TP53INP1: variants seen among roughly 807,000 people sequenced by gnomAD.
TP53INP1 encodes tumor protein p53-inducible nuclear protein 1.
A neutral mutation model predicts 21.0 loss-of-function variants in TP53INP1; 12 were observed. The ratio of observed to expected loss-of-function variants is 0.57; its 90% confidence interval spans 0.37 to 0.93. The LOEUF is 0.93. Ranked by LOEUF, TP53INP1 falls within the 40% of genes least tolerant of loss-of-function variation. TP53INP1 has a pLI of 0.01. For synonymous variants in TP53INP1, 91 were observed against 94.8 expected (o/e 0.96, Z 0.23); for missense variants, 274 against 294.7 (o/e 0.93, Z 0.51).
intron 1 of TP53INP1, among the ~76,000 whole-genome samples, chr8:94,945,824 A>G (rs906675366): frequency 1.3e-5 from 2 of 152,226 alleles, no homozygotes; most frequent in South Asian, 4.1e-4. Flanking sequence ...TTCTTTGAAC[A>G]GCTTTAACCA....
At chr8:94,947,955 A>G (rs930406355) in intron 1 of TP53INP1, among the ~76,000 whole-genome samples, 1 of 152,258 alleles carries the variant, frequency 6.6e-6, no homozygotes, top group Non-Finnish European at 1.5e-5. Flanking sequence ...ATGTATTTCA[A>G]TTACCAGGCT....
chr8:94,930,523 C>G lies in TP53INP1; in HGVS notation c.679G>C (p.Gly227Arg). ...DCHPRQVKHN[G>R]WVVHQPCPRQ... ...GGGCAGGGCTGATGAACAACCCAGC[C>G]ATTGTGCTTGACTTGCCGAGGGTGG... The change falls in exon 4 of 4, where the codon GGC (glycine) becomes CGC (arginine). Residue 227 changes from glycine to arginine, a missense_variant. Transcript: ENST00000342697. The G allele has an allele frequency of 1.2e-6, 2 of 1,614,186 alleles. No individual in the cohort carries two copies. Among genetic ancestry groups the G allele is most frequent in the Non-Finnish European group, 1.7e-6 (2 of 1,180,040 alleles).
At chr8:94,944,162 A>G (rs1821794183) in intron 1 of TP53INP1, among the ~76,000 whole-genome samples, 1 of 152,224 alleles carries the variant, frequency 6.6e-6, no homozygotes, top group African/African-American at 2.4e-5. Context: ...CCAATTCTGC[A>G]GAGCATGGTG....
At position 94,930,028 on chromosome 8, in the gene TP53INP1, T is replaced by A. The variant is rs1820237797; in HGVS notation, c.*451A>T. On this transcript the variant is annotated 3_prime_UTR_variant, in exon 4 of 4. Transcript: ENST00000342697. ...CTAATGTTAGTGTGTAAAAATGTAT[T>A]CATCATATACAGAGAGATTATCAAG... 1 of 155,072 alleles carries A rather than the reference T, an allele frequency of 6.4e-6. No individual in the cohort carries two copies. The highest frequency in any genetic ancestry group is 6.4e-5 in the Admixed American group (1 of 15,602). 9.6% of individuals were successfully genotyped at this position (155,072 alleles called of 1,614,324 possible). A position where few individuals can be genotyped will look rare whatever the true frequency, so the allele number is the denominator to read the frequency against.
intron 1 of TP53INP1, among the ~76,000 whole-genome samples, chr8:94,942,597 C>T (rs1331283419): frequency 6.6e-6 from 1 of 152,208 alleles, no homozygotes; most frequent in Non-Finnish European, 1.5e-5. Context: ...CATGTATTTA[C>T]TGAGCACCTG....
Position 94,927,641 on chromosome 8 carries a change from CAATT to C in TP53INP1, c.*2834_*2837del, listed in dbSNP as rs1247538537. On this transcript the variant is annotated 3_prime_UTR_variant, in exon 4 of 4. Transcript: ENST00000342697. Reference sequence around the variant, plus strand: ...AATTTTCACCTTACAGTGCAGTACACAATTAGTTGAGAAAAAAAATAAACATAAG... The same window carrying C: ...AATTTTCACCTTACAGTGCAGTACACAGTTGAGAAAAAAAATAAACATAAG... 13 of 151,906 alleles carry C rather than the reference CAATT, an allele frequency of 8.6e-5. No homozygotes were observed. The highest frequency in any genetic ancestry group is 2.4e-4 in the African/African-American group (10 of 41,328). The allele number at this position is 151,906 out of a possible 1,614,324, so 9.4% of individuals were successfully genotyped here. A position where few individuals can be genotyped will look rare whatever the true frequency, so the allele number is the denominator to read the frequency against.
chr8:94,939,642 C>G, intron 3 of TP53INP1: 1 of 575,346 alleles, frequency 1.7e-6, no homozygotes, highest in Non-Finnish European at 3.0e-6. Flanking sequence ...AAGTGATCTG[C>G]CTGCCTTGGC....
At position 94,928,173 on chromosome 8, in the gene TP53INP1, G is replaced by A. The variant is rs1338631562; in HGVS notation, c.*2306C>T. On this transcript the variant is annotated 3_prime_UTR_variant, in exon 4 of 4. Transcript: ENST00000342697. ...AAAAGCCCAACGAATGTAATTTTTT[G>A]TTTTCTAGGTACAAAGCATAAAAAA... 6.6e-6 allele frequency: 1 copy of A among 150,630 alleles called. No individual in the cohort carries two copies. Among genetic ancestry groups the A allele is most frequent in the African/African-American group, 2.4e-5 (1 of 41,104 alleles). The allele number at this position is 150,630 out of a possible 1,614,324, so 9.3% of individuals were successfully genotyped here.
intron 3 of TP53INP1, among the ~76,000 whole-genome samples, chr8:94,935,361 A>G (rs533110436): frequency 5.7e-4 from 87 of 152,322 alleles, no homozygotes; most frequent in African/African-American, 2.0e-3. Context: ...TGTGACTTTC[A>G]GCTAATTAAC....
chr8:94,940,855 A>T lies in TP53INP1; in HGVS notation c.87T>A (p.Asp29Glu), dbSNP rs553785190. ...QEPEFNEKED[D>E]EWILVDFIDT... ...CTATGAAGTCAACAAGAATCCATTC[A>T]TCATCTTCTTTCTCATTGAATTCTG... Residue 29 changes from aspartate to glutamate, a missense_variant, in exon 2 of 4, where the codon GAT (aspartate) becomes GAA (glutamate). Coordinates refer to ENST00000342697, the MANE Select transcript of TP53INP1 (RefSeq NM_033285.4). 7 of 1,613,588 alleles carry T rather than the reference A, an allele frequency of 4.3e-6. No individual in the cohort carries two copies. In the South Asian group the frequency reaches 7.7e-5, roughly 18 times the overall value.
intron 3 of TP53INP1, chr8:94,931,989 C>A: frequency 2.1e-6 from 3 of 1,399,486 alleles, no homozygotes; most frequent in Non-Finnish European, 2.9e-6. Context: ...GAAAGAAAGT[C>A]ATTTTTAAAA....
chr8:94,926,833 C>T lies in TP53INP1; in HGVS notation c.*3646G>A, dbSNP rs114164845. 2.6e-3 allele frequency: 397 copies of T among 152,252 alleles called. 4 individuals carry two copies. Among genetic ancestry groups the T allele is most frequent in the African/African-American group, 9.2e-3 (384 of 41,546 alleles). The allele number at this position is 152,252 out of a possible 1,614,324, so 9.4% of individuals were successfully genotyped here. A position where few individuals can be genotyped will look rare whatever the true frequency, so the allele number is the denominator to read the frequency against. ...CAAGTGAAACTGATACATGGCAAGG[C>T]TGACACCACTGTATCATGTAGGTTT... is the stretch of plus-strand genomic sequence containing the variant. On this transcript the variant is annotated 3_prime_UTR_variant, in exon 4 of 4. Coordinates refer to ENST00000342697, the MANE Select transcript of TP53INP1 (RefSeq NM_033285.4).
At chr8:94,935,903 T>A (rs917153425) in intron 3 of TP53INP1, among the ~76,000 whole-genome samples, 1 of 152,206 alleles carries the variant, frequency 6.6e-6, no homozygotes, top group South Asian at 2.1e-4. Flanking sequence ...ACAAAAGGCA[T>A]GTAAATCTGC....
chr8:94,927,021 G>T lies in TP53INP1; in HGVS notation c.*3458C>A, dbSNP rs1281592278. On this transcript the variant is annotated 3_prime_UTR_variant, in exon 4 of 4. Transcript: ENST00000342697. ...ATTTATGGGCCTTATAAAATAAAAAGATAATTTTAAAGTAACATTACAAAC... is the reference window on the plus strand; with the variant it reads ...ATTTATGGGCCTTATAAAATAAAAATATAATTTTAAAGTAACATTACAAAC... The T allele has an allele frequency of 1.3e-5, 2 of 152,200 alleles. No homozygotes were observed. The highest frequency in any genetic ancestry group is 2.9e-5 in the Non-Finnish European group (2 of 67,986). 9.4% of individuals were successfully genotyped at this position (152,200 alleles called of 1,614,324 possible). A position where few individuals can be genotyped will look rare whatever the true frequency, so the allele number is the denominator to read the frequency against.
Position 94,941,082 on chromosome 8 carries a change from G to T in TP53INP1, c.-141C>A. The T allele has an allele frequency of 1.6e-6, 1 of 617,340 alleles. No individual in the cohort carries two copies. The highest frequency in any genetic ancestry group is 2.8e-6 in the Non-Finnish European group (1 of 351,832). 38.2% of individuals were successfully genotyped at this position (617,340 alleles called of 1,614,324 possible). ...TCAACTTAGGTGAAAAGCAAGAAGA[G>T]TCATTGTACCTAAAATAAAACAGAA... is the stretch of plus-strand genomic sequence containing the variant. On this transcript the variant is annotated 5_prime_UTR_variant, in exon 2 of 4. Coordinates refer to ENST00000342697, the MANE Select transcript of TP53INP1 (RefSeq NM_033285.4).
At chr8:94,933,270 T>C (rs770855281) in intron 3 of TP53INP1, among the ~76,000 whole-genome samples, 1 of 152,206 alleles carries the variant, frequency 6.6e-6, no homozygotes, top group Admixed American at 6.5e-5. Context: ...TGGAAAAGTA[T>C]GTATTTGTTT....
At chr8:94,947,032 G>A (rs558966242) in intron 1 of TP53INP1, among the ~76,000 whole-genome samples, 2 of 152,188 alleles carry the variant, frequency 1.3e-5, no homozygotes, top group East Asian at 3.9e-4. Flanking sequence ...TATGTAACGG[G>A]GCCTTGAAGT....
At chr8:94,931,974 A>G in intron 3 of TP53INP1, 1 of 1,308,278 alleles carries the variant, frequency 7.6e-7, no homozygotes, top group South Asian at 1.3e-5. Context: ...TCCATCTCAA[A>G]AAAAGAAAGA....
chr8:94,935,744 A>G (rs544519772), intron 3 of TP53INP1, among the ~76,000 whole-genome samples: 2 of 152,330 alleles, frequency 1.3e-5, no homozygotes, highest in African/African-American at 4.8e-5. Flanking sequence ...TAGATTGGAG[A>G]ACATAAAAAT....
Sources: gnomAD v4.1 joint callset for allele counts (sites outside exome capture counted in the v4.1 genomes callset) on GRCh38, gnomAD v4.1.1 for gene constraint, MANE v1.5 for transcripts, NCBI Gene and HGNC (gene_info 2026-07-23, HGNC 2026-07-21) for gene names.